SBF1: variants seen among roughly 807,000 people sequenced by gnomAD.
The protein encoded by SBF1 is myotubularin-related protein 5.
SBF1 carries 65 observed loss-of-function variants against 215.8 expected under a neutral mutation model. That is an observed-to-expected ratio of 0.30 (90% confidence interval 0.25 to 0.37). The LOEUF is 0.37. SBF1 is among the 10% of genes least tolerant of loss of function. The pLI, the probability that SBF1 is intolerant of heterozygous loss-of-function variation, is 1.00. For synonymous variants in SBF1, 1,410 were observed against 1,122.8 expected (o/e 1.26, Z -5.11); for missense variants, 2,634 against 2,667.8 (o/e 0.99, Z 0.28).
chr22:50,456,784 T>C (rs1381032490), intron 29 of SBF1, 111 bp from the exon 30 acceptor site: 27 of 983,696 alleles, frequency 2.7e-5, no homozygotes, highest in African/African-American at 6.7e-5. Context: ...GCAGGGGTGG[T>C]TGGCAGGACC....
Position 50,466,492 on chromosome 22 carries a change from G to T in SBF1, c.656-10C>A. ...AGCACGTTGGTGATGCCTAAAGGAA[G>T]AAGAGAAGCTTGGAGAGGACCCTGG... On this transcript the variant is annotated splice_polypyrimidine_tract_variant and intron_variant, in intron 6 of 40. Coordinates refer to ENST00000380817, the MANE Select transcript of SBF1 (RefSeq NM_002972.4). 1 of 1,540,634 alleles carries T rather than the reference G, an allele frequency of 6.5e-7. No individual in the cohort carries two copies. The highest frequency in any genetic ancestry group is 8.8e-7 in the Non-Finnish European group (1 of 1,139,376).
intron 2 of SBF1, 110 bp downstream of exon 2, chr22:50,468,266 C>A: frequency 9.3e-7 from 1 of 1,074,176 alleles, no homozygotes; most frequent in South Asian, 1.4e-5. Flanking sequence ...TGTCCCTAGC[C>A]CAGCGGGGGG....
At chr22:50,451,499 G>A (rs1169337576) in intron 36 of SBF1, among the ~76,000 whole-genome samples, 1 of 152,150 alleles carries the variant, frequency 6.6e-6, no homozygotes, top group Non-Finnish European at 1.5e-5. Flanking sequence ...AGCAACGTAT[G>A]GGACAATAAA....
Position 50,446,532 on chromosome 22 carries a change from G to A in SBF1, c.*610C>T. 1 of 271,100 alleles carries A rather than the reference G, an allele frequency of 3.7e-6. No homozygotes were observed. Among genetic ancestry groups the A allele is most frequent in the South Asian group, 3.6e-5 (1 of 27,776 alleles). The allele number at this position is 271,100 out of a possible 1,614,324, so 16.8% of individuals were successfully genotyped here. The stretch of plus-strand genomic sequence containing the variant: ...CTTCTGCATCCCCTGGGTAGGGATG[G>A]GGGCTTCCTCTCCAGCCGTGCCGGC... On this transcript the variant is annotated 3_prime_UTR_variant, in exon 41 of 41. Coordinates refer to ENST00000380817, the MANE Select transcript of SBF1 (RefSeq NM_002972.4).
intron 36 of SBF1, 21 bp downstream of exon 36, chr22:50,454,491 C>T (rs765922443): frequency 1.3e-6 from 2 of 1,597,576 alleles, no homozygotes; most frequent in Non-Finnish European, 1.7e-6. Flanking sequence ...AGGCCAGACC[C>T]TGCTCTGGGA....
chr22:50,472,518 A>T (rs1210710006), intron 1 of SBF1, among the ~76,000 whole-genome samples: 1 of 152,152 alleles, frequency 6.6e-6, no homozygotes, highest in African/African-American at 2.4e-5. Context: ...TCAGTCACTA[A>T]TGAAAGAAAC....
chr22:50,467,603 G>A lies in SBF1; in HGVS notation c.367C>T (p.Pro123Ser), dbSNP rs764224576. The change falls in exon 4 of 41, where the codon CCA becomes TCA. Residue 123 changes from proline to serine, a missense_variant. Transcript: ENST00000380817. Reference sequence around the variant, plus strand: ...TTCGGTGCAAACAGCTGGGCAGATGGGGCAGGTGCTGTGGGAGACAGGTGG... The same window carrying A: ...TTCGGTGCAAACAGCTGGGCAGATGAGGCAGGTGCTGTGGGAGACAGGTGG... ...QTHLSPTAPA[P>S]SAQLFAPKTL... The A allele has an allele frequency of 3.7e-6, 6 of 1,614,162 alleles. No homozygotes were observed. Among genetic ancestry groups the A allele is most frequent in the African/African-American group, 1.3e-5 (1 of 75,052 alleles).
chr22:50,467,483 C>T lies in SBF1; in HGVS notation c.439-35G>A, dbSNP rs993383381. ...CCAGAGCGGGGAGTGGTGGGACAGC[C>T]GATGGAAGCACCCTCGTCGTGCCTC... On this transcript the variant is annotated intron_variant, in intron 4 of 40. Transcript: ENST00000380817. 4.3e-6 allele frequency: 7 copies of T among 1,613,714 alleles called. No homozygotes were observed. In the African/African-American group the frequency reaches 5.3e-5, roughly 12 times the overall value.
intron 1 of SBF1, among the ~76,000 whole-genome samples, chr22:50,471,299 G>A (rs74704633): frequency 0.12 from 18,425 of 152,226 alleles, 1,323 homozygotes; most frequent in East Asian, 0.28. Flanking sequence ...ATGTCCCTGC[G>A]GCCAGCCCCA....
At position 50,474,851 on chromosome 22, in the gene SBF1, G is replaced by T; in HGVS notation, c.-11C>A. ...CGCGAGCCGCGCCATGGCGAGGGAC[G>T]CGGGGCGGCCCGAGGGGCGCGGGCG... On this transcript the variant is annotated 5_prime_UTR_variant, in exon 1 of 41. Coordinates refer to ENST00000380817, the MANE Select transcript of SBF1 (RefSeq NM_002972.4). 1 of 1,412,122 alleles carries T rather than the reference G, an allele frequency of 7.1e-7. No homozygotes were observed. The highest frequency in any genetic ancestry group is 9.2e-7 in the Non-Finnish European group (1 of 1,085,160). The allele number at this position is 1,412,122 out of a possible 1,614,324, so 87.5% of individuals were successfully genotyped here.
In SBF1 at chr22:50,455,379, G is replaced by C; in HGVS notation, c.4399C>G (p.Pro1467Ala). The C allele has an allele frequency of 6.2e-7, 1 of 1,613,030 alleles. No homozygotes were observed. Among genetic ancestry groups the C allele is most frequent in the South Asian group, 1.1e-5 (1 of 91,070 alleles). ...VVSLVQLLSD[P>A]FYRTLEGFRL... is the part of the protein sequence containing the mutation. ...AAGCCCTCCAGCGTGCGGTAGAAGG[G>C]GTCTGAGAGCAGCTGCACCAAGGAT... Residue 1467 changes from proline to alanine, a missense_variant, in exon 33 of 41, where the codon CCC (proline) becomes GCC (alanine). Coordinates refer to ENST00000380817, the MANE Select transcript of SBF1 (RefSeq NM_002972.4).
chr22:50,458,551 G>C (rs1044541491), intron 28 of SBF1, among the ~76,000 whole-genome samples: 3 of 152,150 alleles, frequency 2.0e-5, no homozygotes, highest in Non-Finnish European at 2.9e-5. Context: ...AGCAAGACAG[G>C]GCGATTGTAA....
Position 50,448,627 on chromosome 22 carries a change from C to G in SBF1, c.5067G>C (p.Glu1689Asp). 1 of 1,611,610 alleles carries G rather than the reference C, an allele frequency of 6.2e-7. No individual in the cohort carries two copies. The highest frequency in any genetic ancestry group is 8.5e-7 in the Non-Finnish European group (1 of 1,179,978). ...TCCAGCGCTCAGCGGGTTGGCCCAA[C>G]TCTGTCTCCAGCCTCTGCAGCTCCT... Reference protein sequence around the residue: ...LLEELQRLETELGQPAERWKD... With the variant: ...LLEELQRLETDLGQPAERWKD... Residue 1689 changes from glutamate (E) to aspartate (D), a missense_variant, in exon 37 of 41, where the codon GAG (glutamate) becomes GAC (aspartate). By Grantham distance (45) the Glu-to-Asp change is conservative. Coordinates refer to ENST00000380817, the MANE Select transcript of SBF1 (RefSeq NM_002972.4).
chr22:50,455,998 T>C (rs555344287), intron 31 of SBF1: 16 of 587,678 alleles, frequency 2.7e-5, no homozygotes, highest in South Asian at 2.6e-4. Flanking sequence ...GACATACCCA[T>C]GCCCAAGCCC....
intron 5 of SBF1, 186 bp downstream of exon 5, chr22:50,467,152 C>T (rs940577498): frequency 1.6e-6 from 1 of 606,778 alleles, no homozygotes; most frequent in East Asian, 2.8e-5. Context: ...GACACAGGCC[C>T]AGAGCACAGG....
At position 50,447,330 on chromosome 22, in the gene SBF1, A is replaced by AG; in HGVS notation, c.5574dup (p.Phe1859LeufsTer3). 1 of 1,614,024 alleles carries AG rather than the reference A, an allele frequency of 6.2e-7. No homozygotes were observed. The highest frequency in any genetic ancestry group is 8.5e-7 in the Non-Finnish European group (1 of 1,179,930). On this transcript the variant is annotated frameshift_variant, in exon 40 of 41. Coordinates refer to ENST00000380817, the MANE Select transcript of SBF1 (RefSeq NM_002972.4). LOFTEE classifies it high-confidence loss of function. ...CCCCGGCCAAGGCTCACGTCAAAGA[A>AG]GGCCTTCTCGTCCACAGTCTTAGGG...
At position 50,456,518 on chromosome 22, in the gene SBF1, T is replaced by C; in HGVS notation, c.4060A>G (p.Ile1354Val). The C allele has an allele frequency of 2.0e-6, 3 of 1,496,046 alleles. No individual in the cohort carries two copies. The highest frequency in any genetic ancestry group is 1.2e-5 in the South Asian group (1 of 85,348). The allele number at this position is 1,496,046 out of a possible 1,614,324, so 92.7% of individuals were successfully genotyped here. The change falls in exon 30 of 41, where the codon ATC (isoleucine) becomes GTC (valine). Residue 1354 changes from isoleucine to valine, a missense_variant. Ile to Val is a conservative substitution (Grantham distance 29). Coordinates refer to ENST00000380817, the MANE Select transcript of SBF1 (RefSeq NM_002972.4). ...FLRPQRAALY[I>V]LGDKAQLKGV... ...TTGAGCTGGGCTTTGTCCCCAAGGA[T>C]ATAGAGGGCTGCTCGCTGCGGACGC...
At position 50,447,448 on chromosome 22, in the gene SBF1, G is replaced by A. The variant is rs1332074036; in HGVS notation, c.5457C>T (p.Arg1819=). 6.2e-7 allele frequency: 1 copy of A among 1,610,382 alleles called. No homozygotes were observed. The highest frequency in any genetic ancestry group is 8.5e-7 in the Non-Finnish European group (1 of 1,178,998). The change falls in exon 40 of 41, where the codon CGC becomes CGT. Residue 1819 remains arginine (R), a synonymous_variant. Coordinates refer to ENST00000380817, the MANE Select transcript of SBF1 (RefSeq NM_002972.4). The part of the protein sequence containing the change: ...FVLDKTKHQL[R]YYDHRVDTEC... The stretch of plus-strand genomic sequence containing the variant: ...CTGTGTCCACACGGTGGTCGTAGTA[G>A]CGCAGCTGGAGGAGGCCACAGAGTC...
At chr22:50,452,452 C>A (rs1431855630) in intron 36 of SBF1, among the ~76,000 whole-genome samples, 1 of 152,074 alleles carries the variant, frequency 6.6e-6, no homozygotes, top group Non-Finnish European at 1.5e-5. Context: ...GGCACGGTGG[C>A]TCACGCCTGT....
Sources: allele counts gnomAD v4.1 joint callset (sites outside exome capture counted in the v4.1 genomes callset), GRCh38; gene constraint gnomAD v4.1.1; transcripts MANE v1.5; gene names NCBI Gene and HGNC (gene_info 2026-07-23, HGNC 2026-07-21).